The following DPP10 variants were observed in gnomAD, a reference collection of about 807,000 sequenced individuals.
The protein encoded by DPP10 is dipeptidyl peptidase like 10.
A neutral mutation model predicts 120.9 loss-of-function variants in DPP10; 33 were observed. The ratio of observed to expected loss-of-function variants is 0.27; its 90% confidence interval spans 0.21 to 0.37. The LOEUF is 0.37. DPP10 is among the 10% of genes least tolerant of loss of function. The pLI is 1.00. For missense variants in DPP10, 816 were observed against 942.8 expected (o/e 0.87, Z 1.76); for synonymous variants, 337 against 326.1 (o/e 1.03, Z -0.36).
chr2:115,003,475 A>T (rs962284285), intron 1 of DPP10, among the ~76,000 whole-genome samples: 1 of 152,236 alleles, frequency 6.6e-6, no homozygotes, highest in East Asian at 1.9e-4. Context: ...CATGCAGTTT[A>T]CCTATAGAAC....
intron 1 of DPP10, among the ~76,000 whole-genome samples, chr2:114,941,459 A>G (rs1404769611): frequency 1.3e-5 from 2 of 152,218 alleles, no homozygotes; most frequent in African/African-American, 2.4e-5. Flanking sequence ...GAAATTAGTT[A>G]TTCCTTGGAT....
At chr2:114,831,441 C>G (rs1167460974) in intron 1 of DPP10, among the ~76,000 whole-genome samples, 1 of 152,086 alleles carries the variant, frequency 6.6e-6, no homozygotes, top group Non-Finnish European at 1.5e-5. Flanking sequence ...GAAATGTAGG[C>G]TTTGGAAAGC....
At chr2:114,951,159 GT>G (rs1697756049) in intron 1 of DPP10, among the ~76,000 whole-genome samples, 1 of 152,140 alleles carries the variant, frequency 6.6e-6, no homozygotes. Context: ...GCCTTCATAA[GT>G]TTCCAACATC....
intron 1 of DPP10, among the ~76,000 whole-genome samples, chr2:115,154,192 T>C (rs185798753): frequency 6.6e-6 from 1 of 152,310 alleles, no homozygotes; most frequent in East Asian, 1.9e-4. Flanking sequence ...TTTTGCCCAT[T>C]ATAGCTCTTC....
chr2:114,827,534 C>T (rs982808725), intron 1 of DPP10, among the ~76,000 whole-genome samples: 4 of 152,044 alleles, frequency 2.6e-5, no homozygotes, highest in African/African-American at 9.7e-5. Context: ...GTAAATATGG[C>T]ATATATGTTT....
chr2:115,441,016 G>A (rs72959740), intron 3 of DPP10: 24,045 of 152,036 alleles, frequency 0.16, 4,345 homozygotes, highest in African/African-American at 0.43. Context: ...GAGTTTTTCC[G>A]GCTTTCCCAG....
chr2:115,010,688 T>G (rs1022391118), intron 1 of DPP10, among the ~76,000 whole-genome samples: 8 of 152,184 alleles, frequency 5.3e-5, no homozygotes, highest in African/African-American at 1.9e-4. Flanking sequence ...TGAGAGACTT[T>G]TTAAACAGAA....
intron 1 of DPP10, among the ~76,000 whole-genome samples, chr2:115,143,704 G>C (rs2051053768): frequency 6.6e-6 from 1 of 152,128 alleles, no homozygotes; most frequent in African/African-American, 2.4e-5. Context: ...CTAGACCTTA[G>C]GTCATTTGTA....
chr2:114,927,043 G>A (rs908266492), intron 1 of DPP10, among the ~76,000 whole-genome samples: 3 of 151,828 alleles, frequency 2.0e-5, no homozygotes, highest in Admixed American at 6.6e-5. Context: ...TAGAGATGGG[G>A]TTTCACTGTG....
chr2:114,933,412 CG>C (rs1456379046), intron 1 of DPP10, among the ~76,000 whole-genome samples: 1 of 152,082 alleles, frequency 6.6e-6, no homozygotes, highest in African/African-American at 2.4e-5. Context: ...AGTTCATAAA[CG>C]GGGTAAAAAG....
intron 7 of DPP10, among the ~76,000 whole-genome samples, chr2:115,697,850 T>G (rs934060076): frequency 2.0e-5 from 3 of 152,028 alleles, no homozygotes; most frequent in African/African-American, 7.2e-5. Context: ...CCGGGCGTGG[T>G]GGCGGGCGCC....
intron 3 of DPP10, among the ~76,000 whole-genome samples, chr2:115,477,801 T>G (rs1405759973): frequency 1.3e-5 from 2 of 152,148 alleles, no homozygotes. Flanking sequence ...GTTAGCCCTT[T>G]TTTTGTGTGT....
chr2:114,905,580 T>A (rs1219477423), intron 1 of DPP10, among the ~76,000 whole-genome samples: 1 of 152,194 alleles, frequency 6.6e-6, no homozygotes, highest in African/African-American at 2.4e-5. Flanking sequence ...ATCACCCAGG[T>A]TTTTAGCCTA....
chr2:114,809,107 T>C (rs1040307218), intron 1 of DPP10, among the ~76,000 whole-genome samples: 1 of 152,174 alleles, frequency 6.6e-6, no homozygotes, highest in Non-Finnish European at 1.5e-5. Flanking sequence ...TATGCATTTA[T>C]TTATGTCAAG....
intron 1 of DPP10, among the ~76,000 whole-genome samples, chr2:114,456,040 T>C (rs1226723903): frequency 6.6e-6 from 1 of 152,158 alleles, no homozygotes; most frequent in Admixed American, 6.5e-5. Flanking sequence ...ATACAGGCAC[T>C]TGACTATCCC....
At chr2:114,896,239 AC>A (rs1443664831) in intron 1 of DPP10, among the ~76,000 whole-genome samples, 2 of 152,002 alleles carry the variant, frequency 1.3e-5, no homozygotes, top group Admixed American at 1.3e-4. Flanking sequence ...TTCCATATGA[AC>A]TTTAAAGTAG....
rs374183613 is a variant in DPP10 at position 115,835,067 on chromosome 2, C to T, written c.1951-1090C>T. Among the ~76,000 whole-genome samples, 15 of 151,280 alleles carry T rather than the reference C, an allele frequency of 9.9e-5. No individual in the cohort carries two copies. In the East Asian group the frequency reaches 2.5e-3, roughly 26 times the overall value. ...CGGAGTTTGCAGTGAACCCAGGGGGCGGAGCTTGAAGTGAGCCGAGATCGC... is the reference window on the plus strand; with the variant it reads ...CGGAGTTTGCAGTGAACCCAGGGGGTGGAGCTTGAAGTGAGCCGAGATCGC... On this transcript the variant is annotated intron_variant, in intron 21 of 25. Transcript: ENST00000410059.
chr2:115,289,888 C>T (rs1409464854), intron 1 of DPP10, among the ~76,000 whole-genome samples: 5 of 152,062 alleles, frequency 3.3e-5, no homozygotes, highest in Non-Finnish European at 7.4e-5. Flanking sequence ...TGAAACCTTA[C>T]AAATTCTAGA....
rs547294529 is a variant in DPP10, at chr2:115,695,624, C to T, written c.576+5703C>T. Among the ~76,000 whole-genome samples the T allele has an allele frequency of 5.3e-5, 8 of 152,254 alleles. 1 individual carries two copies. In the South Asian group the frequency reaches 1.7e-3, roughly 32 times the overall value. On this transcript the variant is annotated intron_variant, in intron 7 of 25. Coordinates refer to ENST00000410059, the MANE Select transcript of DPP10 (RefSeq NM_020868.6). ...GATTCAATTACCTCCCACCAAGTCCCTACCATGACATGTGGGAATTATTAA... is the reference window on the plus strand; with the variant it reads ...GATTCAATTACCTCCCACCAAGTCCTTACCATGACATGTGGGAATTATTAA...
Sources: allele counts gnomAD v4.1 joint callset (sites outside exome capture counted in the v4.1 genomes callset), GRCh38; gene constraint gnomAD v4.1.1; transcripts MANE v1.5; gene names NCBI Gene and HGNC (gene_info 2026-07-23, HGNC 2026-07-21).